Variants in CLCNKB observed in about 807,000 individuals in gnomAD.
CLCNKB encodes chloride channel protein ClC-Kb.
In CLCNKB, 74 loss-of-function variants were observed where a neutral mutation model predicts 83.8. The observed-to-expected ratio is 0.88, with a 90% CI of 0.73 to 1.07. CLCNKB has a LOEUF of 1.07. CLCNKB is among the 50% of genes least tolerant of loss of function. The pLI is 0.00. For synonymous variants in CLCNKB, 358 were observed against 356.6 expected (o/e 1.00, Z -0.04); for missense variants, 798 against 893.6 (o/e 0.89, Z 1.36).
In CLCNKB at chr1:16,052,287, C is replaced by A. The variant is rs750155699; in HGVS notation, c.1498C>A (p.Pro500Thr). The stretch of plus-strand genomic sequence containing the variant: ...GACCGGCCAGATAGTGCATGCACTG[C>A]CCGTGCTGATGGCGGTGCTGGCAGC... ...EVTGQIVHAL[P>T]VLMAVLAANA... Residue 500 changes from proline (P) to threonine (T), a missense_variant, in exon 15 of 20, where the codon CCC (proline) becomes ACC (threonine). Pro to Thr is a conservative substitution (Grantham distance 38). Transcript: ENST00000375679. 6.2e-7 allele frequency: 1 copy of A among 1,613,354 alleles called. No homozygotes were observed. The highest frequency in any genetic ancestry group is 1.1e-5 in the South Asian group (1 of 91,084).
chr1:16,045,727 T>C (rs1389769776), intron 3 of CLCNKB, 41 bp downstream of exon 3: 1 of 1,591,150 alleles, frequency 6.3e-7, no homozygotes. Flanking sequence ...GCCAAGGGAT[T>C]CTGAGCTCTC....
rs978675481 is a variant in CLCNKB, at chr1:16,053,760, G to A, written c.1744G>A (p.Val582Met). ...CACAGACGTGGCCAAGTATCCCCTG[G>A]TGGAGAGCACAGGTGCCCAGCCGGA... ...TSTDVAKYPL[V>M]ESTESQILVG... is the part of the protein sequence containing the mutation. Residue 582 changes from valine (V) to methionine (M), a missense_variant, in exon 16 of 20, where the codon GTG becomes ATG. By Grantham distance (21) the Val-to-Met change is conservative. Coordinates refer to ENST00000375679, the MANE Select transcript of CLCNKB (RefSeq NM_000085.5). 3 of 1,613,716 alleles carry A rather than the reference G, an allele frequency of 1.9e-6. No individual in the cohort carries two copies. The highest frequency in any genetic ancestry group is 2.5e-6 in the Non-Finnish European group (3 of 1,179,974).
Position 16,052,555 on chromosome 1 carries a change from C to T in CLCNKB, c.1622+144C>T. The stretch of plus-strand genomic sequence containing the variant: ...ACACAGCTGTGCTCTGTTCTCCACT[C>T]TCCCCAGTGCCCCGGGTGACCTTGG... On this transcript the variant is annotated intron_variant, in intron 15 of 19. Coordinates refer to ENST00000375679, the MANE Select transcript of CLCNKB (RefSeq NM_000085.5). 4.2e-6 allele frequency: 5 copies of T among 1,176,784 alleles called. No individual in the cohort carries two copies. In the South Asian group the frequency reaches 6.6e-5, roughly 15 times the overall value. The allele number at this position is 1,176,784 out of a possible 1,614,324, so 72.9% of individuals were successfully genotyped here. A position where few individuals can be genotyped will look rare whatever the true frequency, so the allele number is the denominator to read the frequency against.
chr1:16,046,788 A>G (rs561475719), intron 4 of CLCNKB, 125 bp downstream of exon 4: 7 of 1,213,020 alleles, frequency 5.8e-6, no homozygotes, highest in Non-Finnish European at 8.3e-6. Context: ...GGCTTGCCCA[A>G]AGGGACACAG....
rs779798035 is a variant in CLCNKB at position 16,050,908 on chromosome 1, G to C, written c.1087G>C (p.Asp363His). Residue 363 changes from aspartate (D) to histidine (H), a missense_variant, in exon 12 of 20, where the codon GAC (aspartate) becomes CAC (histidine). By Grantham distance (81) the Asp-to-His change is moderately conservative. Coordinates refer to ENST00000375679, the MANE Select transcript of CLCNKB (RefSeq NM_000085.5). ...SMKQHLDSLF[D>H]NHSWALMTQN... The stretch of plus-strand genomic sequence containing the variant: ...GAAGCAGCATCTGGACTCGCTGTTC[G>C]ACAACCACTCCTGGGCGCTGATGAC... The C allele has an allele frequency of 3.7e-6, 6 of 1,612,416 alleles. No individual in the cohort carries two copies. In the Admixed American group the frequency reaches 5.0e-5, roughly 13 times the overall value.
At chr1:16,056,355 T>C (rs1227545865) in intron 18 of CLCNKB, 67 bp from the exon 19 acceptor site, 15 of 1,487,888 alleles carry the variant, frequency 1.0e-5, no homozygotes, top group Admixed American at 1.0e-4. Context: ...AGAGGCGTGG[T>C]GGAGTGGGCT....
chr1:16,049,975 C>A, intron 10 of CLCNKB, 59 bp downstream of exon 10: 1 of 1,423,758 alleles, frequency 7.0e-7, no homozygotes, highest in Non-Finnish European at 9.9e-7. Context: ...ACCGTACTCC[C>A]AACCTTATGT....
At chr1:16,044,351 T>TCACACACACACACACA (rs1486482877) in intron 1 of CLCNKB, 135 bp from the exon 2 acceptor site, 4 of 144,662 alleles carry the variant, frequency 2.8e-5, no homozygotes, top group East Asian at 1.3e-4. Context: ...TGTGATAACT[T>TCACACACACACACACA]CACATACACA....
At position 16,051,726 on chromosome 1, in the gene CLCNKB, C is replaced by A. The variant is rs778141812; in HGVS notation, c.1314C>A (p.Arg438=). The change falls in exon 14 of 20, where the codon CGC becomes CGA. Residue 438 remains arginine (R), a synonymous_variant. Transcript: ENST00000375679. ...TGTGGCCAGGAGCTGCTATCGGGCG[C>A]CTCTTTGGGGAGACTCTCTCTTTTA... ...PIFVYGAAIG[R]LFGETLSFIF... 8 of 1,613,816 alleles carry A rather than the reference C, an allele frequency of 5.0e-6. No individual in the cohort carries two copies. Among genetic ancestry groups the A allele is most frequent in the Non-Finnish European group, 5.9e-6 (7 of 1,179,954 alleles).
intron 2 of CLCNKB, 25 bp downstream of exon 2, chr1:16,044,617 C>T (rs762461903): frequency 6.4e-7 from 1 of 1,555,638 alleles, no homozygotes; most frequent in East Asian, 2.3e-5. Context: ...CTCTTCCCTT[C>T]CCCCTGGAGG....
chr1:16,048,177 G>A, intron 5 of CLCNKB, 133 bp downstream of exon 5: 1 of 1,449,210 alleles, frequency 6.9e-7, no homozygotes, highest in South Asian at 1.2e-5. Flanking sequence ...TCAGTCTTGG[G>A]GGAAGAGGCA....
At chr1:16,053,796 A>T (rs1057253100) in intron 16 of CLCNKB, 24 bp downstream of exon 16, 22 of 1,613,372 alleles carry the variant, frequency 1.4e-5, no homozygotes, top group Non-Finnish European at 1.9e-5. Context: ...AGGGAGGAGG[A>T]AGTCGGGGGT....
rs1231543509 is a variant in CLCNKB at position 16,057,195 on chromosome 1, A to G, written c.*279A>G. 1 of 688,720 alleles carries G rather than the reference A, an allele frequency of 1.5e-6. No individual in the cohort carries two copies. Among genetic ancestry groups the G allele is most frequent in the East Asian group, 2.8e-5 (1 of 35,160 alleles). 42.7% of individuals were successfully genotyped at this position (688,720 alleles called of 1,614,324 possible). On this transcript the variant is annotated 3_prime_UTR_variant, in exon 20 of 20. Transcript: ENST00000375679. ...CAGTTGCTCAGTGACTGGCCATCAC[A>G]TTAATGAATGATGAGATTGGAGTAC...
At chr1:16,045,392 C>G (rs896150941) in intron 2 of CLCNKB, among the ~76,000 whole-genome samples, 166 bp from the exon 3 acceptor site, 1 of 152,168 alleles carries the variant, frequency 6.6e-6, no homozygotes, top group African/African-American at 2.4e-5. Context: ...AAATCCTGCC[C>G]GGCCACTTAT....
chr1:16,050,808 G>A (rs1166212039), intron 11 of CLCNKB, 67 bp from the exon 12 acceptor site: 10 of 1,605,166 alleles, frequency 6.2e-6, no homozygotes, highest in Non-Finnish European at 8.5e-6. Flanking sequence ...GGGTCAGGCG[G>A]TGCGGGGGAG....
Position 16,056,907 on chromosome 1 carries a change from C to G in CLCNKB, c.2055C>G (p.Ala685=), listed in dbSNP as rs6698427. 7.0e-7 allele frequency: 1 copy of G among 1,424,964 alleles called. No individual in the cohort carries two copies. The highest frequency in any genetic ancestry group is 1.3e-5 in the South Asian group (1 of 77,752). The allele number at this position is 1,424,964 out of a possible 1,614,324, so 88.3% of individuals were successfully genotyped here. A position where few individuals can be genotyped will look rare whatever the true frequency, so the allele number is the denominator to read the frequency against. Reference sequence around the variant, plus strand: ...TTTCCAACCTGACAAATCCGCCAGCCCCAAAGTGAGCCGGCCCAGCAAGAT... The same window carrying G: ...TTTCCAACCTGACAAATCCGCCAGCGCCAAAGTGAGCCGGCCCAGCAAGAT... ...KAISNLTNPP[A]PK The change falls in exon 20 of 20, where the codon GCC becomes GCG. Residue 685 remains alanine, a synonymous_variant. Transcript: ENST00000375679.
At chr1:16,056,797 C>G (rs1370525874) in intron 19 of CLCNKB, 72 bp from the exon 20 acceptor site, 2 of 1,105,452 alleles carry the variant, frequency 1.8e-6, no homozygotes, top group Non-Finnish European at 2.8e-6. Context: ...TTAGGGGAAC[C>G]AAAAATGCTG....
At chr1:16,045,712 T>G in intron 3 of CLCNKB, 26 bp downstream of exon 3, 1 of 1,567,126 alleles carries the variant, frequency 6.4e-7, no homozygotes, top group Non-Finnish European at 8.7e-7. Flanking sequence ...CAGGTGCTGC[T>G]CTGGGCCAAG....
rs754214144 is a variant in CLCNKB at position 16,050,615 on chromosome 1, G to A, written c.1053+15G>A. 1 of 1,612,976 alleles carries A rather than the reference G, an allele frequency of 6.2e-7. No homozygotes were observed. The highest frequency in any genetic ancestry group is 8.5e-7 in the Non-Finnish European group (1 of 1,179,200). On this transcript the variant is annotated intron_variant, in intron 11 of 19. Transcript: ENST00000375679. The stretch of plus-strand genomic sequence containing the variant: ...TAGCTTCTCGGGTAAGGGGCCTTGA[G>A]TGGGGTGGCAGGAGTGGGGAAGCCC...
Sources: allele counts gnomAD v4.1 joint callset (sites outside exome capture counted in the v4.1 genomes callset), GRCh38; gene constraint gnomAD v4.1.1; transcripts MANE v1.5; gene names NCBI Gene and HGNC (gene_info 2026-07-23, HGNC 2026-07-21).